Variants in CADPS2 observed in about 807,000 individuals in gnomAD.
CADPS2 encodes calcium-dependent secretion activator 2.
In CADPS2, 93 loss-of-function variants were observed where a neutral mutation model predicts 172.5. That is an observed-to-expected ratio of 0.54 (90% CI 0.46 to 0.64). The LOEUF is 0.64. Among genes scored for constraint, CADPS2 ranks in the 30% least tolerant of loss-of-function variants. CADPS2 has a pLI of 0.00. For missense variants in CADPS2, 1,420 were observed against 1,565.9 expected (o/e 0.91, Z 1.57); for synonymous variants, 546 against 555.2 (o/e 0.98, Z 0.23).
At chr7:122,601,063 T>C (rs2072688134) in intron 6 of CADPS2, among the ~76,000 whole-genome samples, 2 of 152,090 alleles carry the variant, frequency 1.3e-5, no homozygotes, top group Admixed American at 6.6e-5. Flanking sequence ...ATCATATTCA[T>C]AGTGCATAAA....
intron 11 of CADPS2, among the ~76,000 whole-genome samples, chr7:122,486,062 A>C (rs919639058): frequency 6.6e-6 from 1 of 152,122 alleles, no homozygotes; most frequent in Admixed American, 6.6e-5. Context: ...GCTCACTGAC[A>C]TAGCATCTAG....
intron 3 of CADPS2, among the ~76,000 whole-genome samples, chr7:122,650,028 C>T (rs2078989342): frequency 6.7e-6 from 1 of 148,876 alleles, no homozygotes; most frequent in South Asian, 2.1e-4. Context: ...CCTGCCTCAG[C>T]CTCCCGAGTA....
chr7:122,613,108 T>C (rs1435741568), intron 6 of CADPS2, among the ~76,000 whole-genome samples: 1 of 152,002 alleles, frequency 6.6e-6, no homozygotes, highest in Admixed American at 6.6e-5. Flanking sequence ...CAGAGCTAAA[T>C]CTTAGTGACC....
chr7:122,844,596 C>A (rs894612346), intron 1 of CADPS2, among the ~76,000 whole-genome samples: 5 of 152,144 alleles, frequency 3.3e-5, no homozygotes, highest in Non-Finnish European at 7.3e-5. Flanking sequence ...AATATTAGCA[C>A]AGAAAACAAT....
At chr7:122,796,161 G>T (rs1421506681) in intron 1 of CADPS2, among the ~76,000 whole-genome samples, 1 of 152,088 alleles carries the variant, frequency 6.6e-6, no homozygotes, top group Admixed American at 6.6e-5. Context: ...CCAGGGAGGT[G>T]AAATATCTCC....
chr7:122,332,374 T>C (rs2035104517), intron 28 of CADPS2, among the ~76,000 whole-genome samples: 1 of 150,838 alleles, frequency 6.6e-6, no homozygotes, highest in Non-Finnish European at 1.5e-5. Context: ...GAACTCTATA[T>C]ATGTGACTTT....
At chr7:122,382,808 C>CA (rs958177647) in intron 24 of CADPS2, among the ~76,000 whole-genome samples, 1 of 150,970 alleles carries the variant, frequency 6.6e-6, no homozygotes, top group African/African-American at 2.4e-5. Context: ...CAGAAGGAGA[C>CA]AAAAAAAGAA....
chr7:122,633,818 T>C (rs768640272), intron 3 of CADPS2, among the ~76,000 whole-genome samples: 68 of 152,278 alleles, frequency 4.5e-4, no homozygotes, highest in Non-Finnish European at 6.9e-4. Flanking sequence ...CAGTATGATA[T>C]TGGCTGTGAG....
At chr7:122,373,173 T>C (rs567561723) in intron 25 of CADPS2, among the ~76,000 whole-genome samples, 9 of 152,216 alleles carry the variant, frequency 5.9e-5, no homozygotes, top group Admixed American at 1.3e-4. Context: ...AACTGTCTTA[T>C]AGGCTATTTT....
intron 28 of CADPS2, among the ~76,000 whole-genome samples, chr7:122,332,857 T>A (rs929875313): frequency 6.6e-6 from 1 of 152,154 alleles, no homozygotes; most frequent in Admixed American, 6.5e-5. Context: ...TCAAACTACA[T>A]GAAAAATATT....
chr7:122,485,253 T>G (rs2057689126), intron 11 of CADPS2, among the ~76,000 whole-genome samples: 1 of 152,214 alleles, frequency 6.6e-6, no homozygotes, highest in Non-Finnish European at 1.5e-5. Flanking sequence ...TCATGCTTAG[T>G]GAGCAAGGCA....
chr7:122,381,801 ACAC>A (rs932789285), intron 24 of CADPS2, among the ~76,000 whole-genome samples: 7 of 152,158 alleles, frequency 4.6e-5, no homozygotes, highest in Admixed American at 1.3e-4. Context: ...ACAAAAACAA[ACAC>A]ATACAATGTT....
intron 1 of CADPS2, among the ~76,000 whole-genome samples, chr7:122,878,088 T>C (rs1169586673): frequency 6.6e-6 from 1 of 151,216 alleles, no homozygotes; most frequent in Non-Finnish European, 1.5e-5. Context: ...AAACCCCGTC[T>C]TTACTAAAAA....
intron 8 of CADPS2, among the ~76,000 whole-genome samples, chr7:122,514,882 C>T (rs1049868659): frequency 3.3e-5 from 5 of 151,938 alleles, no homozygotes; most frequent in African/African-American, 1.2e-4. Flanking sequence ...GGATTCAAAA[C>T]TACACACATA....
At chr7:122,342,248 T>A (rs2036891397) in intron 28 of CADPS2, among the ~76,000 whole-genome samples, 1 of 152,172 alleles carries the variant, frequency 6.6e-6, no homozygotes, top group South Asian at 2.1e-4. Flanking sequence ...ATACGGTAAA[T>A]GGCTGTGTAG....
At position 122,570,530 on chromosome 7, in the gene CADPS2, T is replaced by C. The variant is rs1430476760; in HGVS notation, c.1335+10649A>G. Among the ~76,000 whole-genome samples, 64 of 148,720 alleles carry C rather than the reference T, an allele frequency of 4.3e-4. 1 individual carries two copies. The highest frequency in any genetic ancestry group is 8.7e-4 in the South Asian group (4 of 4,620). ...CCATTTGACCCAGCCATCCCATTAC[T>C]GGGTATATACCCAAAGGACTATAAA... On this transcript the variant is annotated intron_variant, in intron 7 of 29. Transcript: ENST00000449022.
At chr7:122,384,733 T>C (rs186194895) in intron 24 of CADPS2, among the ~76,000 whole-genome samples, 1 of 152,236 alleles carries the variant, frequency 6.6e-6, no homozygotes, top group East Asian at 1.9e-4. Context: ...AATGTACAGG[T>C]GCACACATAA....
intron 19 of CADPS2, chr7:122,409,550 T>A: frequency 2.4e-6 from 1 of 416,034 alleles, no homozygotes; most frequent in African/African-American, 2.0e-5. Flanking sequence ...AAGTATATAT[T>A]TATATCTCAA....
At chr7:122,565,552 T>G (rs1345318584) in intron 7 of CADPS2, among the ~76,000 whole-genome samples, 16 of 152,164 alleles carry the variant, frequency 1.1e-4, no homozygotes. Flanking sequence ...CAGTTTGTCA[T>G]GCTGAATAAC....
Sources: gnomAD v4.1 joint callset for allele counts (sites outside exome capture counted in the v4.1 genomes callset) on GRCh38, gnomAD v4.1.1 for gene constraint, MANE v1.5 for transcripts, NCBI Gene and HGNC (gene_info 2026-07-23, HGNC 2026-07-21) for gene names.